Variants in FCHSD2 observed in about 807,000 individuals in gnomAD.
FCHSD2 encodes FCH and double SH3 domains 2, also known as F-BAR and double SH3 domains protein 2.
FCHSD2 carries 38 observed loss-of-function variants against 108.1 expected under a neutral mutation model. The ratio of observed to expected loss-of-function variants is 0.35; its 90% CI spans 0.27 to 0.46. The LOEUF is 0.46. FCHSD2 is among the 20% of genes least tolerant of loss of function. The pLI is 1.00. For synonymous variants in FCHSD2, 279 were observed against 314.7 expected (o/e 0.89, Z 1.20); for missense variants, 751 against 897.8 (o/e 0.84, Z 2.09).
intron 3 of FCHSD2, among the ~76,000 whole-genome samples, chr11:73,073,732 T>C (rs2135502818): frequency 6.6e-6 from 1 of 152,340 alleles, no homozygotes; most frequent in South Asian, 2.1e-4. Context: ...CTTTTCCAGT[T>C]GGCCATAATG....
At chr11:72,915,896 A>G (rs1362780420) in intron 9 of FCHSD2, among the ~76,000 whole-genome samples, 1 of 152,198 alleles carries the variant, frequency 6.6e-6, no homozygotes, top group Admixed American at 6.5e-5. Context: ...ATAAAAAAGA[A>G]TGAGATCGTG....
At chr11:73,103,395 C>T (rs1207381497) in intron 2 of FCHSD2, among the ~76,000 whole-genome samples, 1 of 152,158 alleles carries the variant, frequency 6.6e-6, no homozygotes. Flanking sequence ...GAAAACTTAA[C>T]CTGCTTCCAT....
intron 8 of FCHSD2, among the ~76,000 whole-genome samples, chr11:72,966,252 C>A (rs563624490): frequency 6.6e-6 from 1 of 151,758 alleles, no homozygotes; most frequent in Non-Finnish European, 1.5e-5. Context: ...CTCTGCCTCC[C>A]GGGTTCATGC....
chr11:72,961,038 C>G (rs530222774), intron 8 of FCHSD2, among the ~76,000 whole-genome samples: 1 of 152,184 alleles, frequency 6.6e-6, no homozygotes, highest in African/African-American at 2.4e-5. Context: ...AGGTAACACA[C>G]ATGTGAGGCT....
chr11:72,975,860 C>T (rs1353989426), intron 8 of FCHSD2, among the ~76,000 whole-genome samples: 1 of 152,192 alleles, frequency 6.6e-6, no homozygotes, highest in Non-Finnish European at 1.5e-5. Flanking sequence ...TTAAGAATTA[C>T]TAAGCTTTTA....
chr11:73,068,638 T>A (rs1278462327), intron 3 of FCHSD2, among the ~76,000 whole-genome samples: 1 of 151,858 alleles, frequency 6.6e-6, no homozygotes, highest in African/African-American at 2.4e-5. Flanking sequence ...GGAACACACA[T>A]TTGGTACAGA....
intron 6 of FCHSD2, among the ~76,000 whole-genome samples, chr11:72,988,319 C>T (rs1857348098): frequency 6.6e-6 from 1 of 152,154 alleles, no homozygotes; most frequent in African/African-American, 2.4e-5. Flanking sequence ...GCAAAAATCT[C>T]TATTATATTG....
At chr11:73,016,797 A>G (rs1857984186) in intron 3 of FCHSD2, among the ~76,000 whole-genome samples, 1 of 152,138 alleles carries the variant, frequency 6.6e-6, no homozygotes, top group African/African-American at 2.4e-5. Flanking sequence ...TGTTTTACAA[A>G]GAAATTTGCC....
At chr11:72,968,960 G>T (rs1856962321) in intron 8 of FCHSD2, among the ~76,000 whole-genome samples, 3 of 152,140 alleles carry the variant, frequency 2.0e-5, no homozygotes, top group Admixed American at 2.0e-4. Context: ...TAATATTAAG[G>T]CTTTGTCCAG....
At chr11:72,892,011 T>C (rs1414822758) in intron 10 of FCHSD2, among the ~76,000 whole-genome samples, 1 of 152,098 alleles carries the variant, frequency 6.6e-6, no homozygotes, top group Non-Finnish European at 1.5e-5. Context: ...AAACAATGAA[T>C]CCAAAATGAA....
At chr11:73,068,976 C>G (rs1214748882) in intron 3 of FCHSD2, among the ~76,000 whole-genome samples, 1 of 151,002 alleles carries the variant, frequency 6.6e-6, no homozygotes, top group Non-Finnish European at 1.5e-5. Flanking sequence ...GACTTCGCCA[C>G]TGCACTCTAG....
intron 4 of FCHSD2, among the ~76,000 whole-genome samples, chr11:73,010,726 T>G (rs1857844765): frequency 6.6e-6 from 1 of 152,218 alleles, no homozygotes; most frequent in Non-Finnish European, 1.5e-5. Context: ...GGTAAAGTTT[T>G]GCTGAGGACT....
intron 9 of FCHSD2, among the ~76,000 whole-genome samples, chr11:72,916,454 A>G (rs991093393): frequency 6.6e-6 from 1 of 151,806 alleles, no homozygotes; most frequent in African/African-American, 2.4e-5. Context: ...TTGGGACAAC[A>G]GGTATGCAGC....
At chr11:73,019,996 T>C (rs1169672223) in intron 3 of FCHSD2, among the ~76,000 whole-genome samples, 1 of 152,194 alleles carries the variant, frequency 6.6e-6, no homozygotes. Flanking sequence ...ATAATATTTA[T>C]TTATATTTAC....
At chr11:73,109,929 T>C (rs535239364) in intron 2 of FCHSD2, among the ~76,000 whole-genome samples, 7 of 152,314 alleles carry the variant, frequency 4.6e-5, no homozygotes, top group African/African-American at 1.4e-4. Flanking sequence ...TATTAAATGC[T>C]TTTTGAGCAT....
chr11:72,906,495 T>C lies in FCHSD2; in HGVS notation c.829-3857A>G, dbSNP rs532019916. Reference sequence around the variant, plus strand: ...TTTCGGTGTTTTAGTCATGAAGTCTTTGCCCATGCCTATGTCCTGAATGGT... The same window carrying C: ...TTTCGGTGTTTTAGTCATGAAGTCTCTGCCCATGCCTATGTCCTGAATGGT... On this transcript the variant is annotated intron_variant, in intron 9 of 19. Transcript: ENST00000409418. Among the ~76,000 whole-genome samples, 5 of 152,358 alleles carry C rather than the reference T, an allele frequency of 3.3e-5. No homozygotes were observed. In the East Asian group the frequency reaches 9.6e-4, roughly 29 times the overall value.
intron 5 of FCHSD2, among the ~76,000 whole-genome samples, chr11:72,998,223 T>C (rs1857557241): frequency 6.6e-6 from 1 of 152,134 alleles, no homozygotes; most frequent in South Asian, 2.1e-4. Context: ...GGTAGTAAAA[T>C]ACTAATTCAA....
intron 3 of FCHSD2, among the ~76,000 whole-genome samples, chr11:73,016,389 A>T (rs1197915950): frequency 6.6e-6 from 1 of 152,182 alleles, no homozygotes; most frequent in Non-Finnish European, 1.5e-5. Context: ...GAACACTACA[A>T]CCTTTTTTCA....
chr11:72,916,743 TCA>T (rs752725754), intron 9 of FCHSD2, among the ~76,000 whole-genome samples: 20 of 152,238 alleles, frequency 1.3e-4, no homozygotes, highest in Non-Finnish European at 2.9e-4. Flanking sequence ...TGGGTTGATT[TCA>T]CATTCTTAAT....
Sources: allele counts gnomAD v4.1 joint callset (sites outside exome capture counted in the v4.1 genomes callset), GRCh38; gene constraint gnomAD v4.1.1; transcripts MANE v1.5; gene names NCBI Gene and HGNC (gene_info 2026-07-23, HGNC 2026-07-21).